SPAG16: variants seen among roughly 807,000 people sequenced by gnomAD.
SPAG16 encodes sperm associated antigen 16.
A neutral mutation model predicts 80.4 loss-of-function variants in SPAG16; 86 were observed. The ratio of observed to expected loss-of-function variants is 1.07; its 90% confidence interval spans 0.90 to 1.28. The LOEUF (loss-of-function observed/expected upper bound fraction) is 1.28, where lower values mean the gene tolerates loss of function less well. Among genes scored for constraint, SPAG16 ranks in the 50% most tolerant of loss-of-function variants. The pLI is 0.00. For synonymous variants in SPAG16, 294 were observed against 265.9 expected, an observed-to-expected ratio of 1.11 and a Z score of -1.03; for missense variants, 870 against 765.3, an observed-to-expected ratio of 1.14 and a Z score of -1.61.
intron 10 of SPAG16, among the ~76,000 whole-genome samples, chr2:213,543,201 T>C (rs2076511047): frequency 6.6e-6 from 1 of 152,036 alleles, no homozygotes; most frequent in South Asian, 2.1e-4. Context: ...AAAGAGCCCC[T>C]AAGAAATTGG....
intron 7 of SPAG16, among the ~76,000 whole-genome samples, chr2:213,352,171 T>A (rs867081228): frequency 4.6e-5 from 7 of 151,766 alleles, no homozygotes; most frequent in South Asian, 2.1e-4. Context: ...TTTTTTTTTT[T>A]AATATATTTT....
chr2:214,009,582 T>G (rs1342268374), intron 12 of SPAG16, among the ~76,000 whole-genome samples: 1 of 152,166 alleles, frequency 6.6e-6, no homozygotes, highest in Non-Finnish European at 1.5e-5. Flanking sequence ...TAAAGCAGAT[T>G]GCCATAGATG....
chr2:213,776,585 A>C lies in SPAG16; in HGVS notation c.1071-85900A>C, dbSNP rs77444272. ...GTAAAAGGCCAGAACAACAACAAAA[A>C]ATTCTGAATATCAATTTGTAAAAGT... On this transcript the variant is annotated intron_variant, in intron 10 of 15. Transcript: ENST00000331683. Among the ~76,000 whole-genome samples the C allele has an allele frequency of 0.011, 1,723 of 152,308 alleles. 83 individuals carry two copies. The East Asian group carries it at 0.15, about 13-fold the overall frequency.
chr2:213,951,675 T>C (rs2079788320), intron 12 of SPAG16, among the ~76,000 whole-genome samples: 1 of 152,068 alleles, frequency 6.6e-6, no homozygotes, highest in Non-Finnish European at 1.5e-5. Context: ...AGAGTATAAA[T>C]TAAAGTTGGA....
intron 11 of SPAG16, among the ~76,000 whole-genome samples, chr2:213,865,651 C>A (rs1203932002): frequency 6.8e-6 from 1 of 147,494 alleles, no homozygotes; most frequent in African/African-American, 2.5e-5. Flanking sequence ...TGTTATATAC[C>A]TATGAAAACT....
intron 11 of SPAG16, among the ~76,000 whole-genome samples, chr2:213,865,285 C>A (rs960360553): frequency 6.6e-6 from 1 of 151,578 alleles, no homozygotes; most frequent in Non-Finnish European, 1.5e-5. Flanking sequence ...AATTTATGAC[C>A]AAGATTCAAT....
chr2:213,712,867 G>A (rs949171987), intron 10 of SPAG16, among the ~76,000 whole-genome samples: 8 of 152,104 alleles, frequency 5.3e-5, no homozygotes, highest in Non-Finnish European at 5.9e-5. Flanking sequence ...GTGGCAGGGC[G>A]AGGAGATACT....
chr2:214,195,310 T>TAGATAGATAGATAGATAGAC (rs1553522822), intron 15 of SPAG16, among the ~76,000 whole-genome samples: 1 of 151,240 alleles, frequency 6.6e-6, no homozygotes, highest in Non-Finnish European at 1.5e-5. Flanking sequence ...AGATGATAGA[T>TAGATAGATAGATAGATAGAC]AGATAGATAG....
At chr2:214,168,754 AAT>A (rs972696499) in intron 15 of SPAG16, among the ~76,000 whole-genome samples, 1 of 152,234 alleles carries the variant, frequency 6.6e-6, no homozygotes, top group African/African-American at 2.4e-5. Context: ...GAGTGGAATG[AAT>A]AAGGAAATTA....
chr2:213,602,335 A>G (rs979634690), intron 10 of SPAG16, among the ~76,000 whole-genome samples: 6 of 151,746 alleles, frequency 4.0e-5, no homozygotes, highest in African/African-American at 9.7e-5. Flanking sequence ...AACTAGTATA[A>G]TAAACTCATT....
intron 3 of SPAG16, among the ~76,000 whole-genome samples, chr2:213,306,225 TA>T (rs1234745813): frequency 6.6e-6 from 1 of 151,212 alleles, no homozygotes; most frequent in Middle Eastern, 3.4e-3. Context: ...GAGTCTACTT[TA>T]AAAAAATTTT....
intron 15 of SPAG16, among the ~76,000 whole-genome samples, chr2:214,210,784 C>T (rs1308724314): frequency 4.6e-5 from 7 of 151,730 alleles, no homozygotes; most frequent in Non-Finnish European, 8.8e-5. Context: ...ATGAGGTAAC[C>T]AAAAGCTCCA....
At chr2:213,566,016 A>G (rs1178883382) in intron 10 of SPAG16, among the ~76,000 whole-genome samples, 2 of 152,224 alleles carry the variant, frequency 1.3e-5, no homozygotes, top group African/African-American at 4.8e-5. Context: ...GAGAATGGGA[A>G]TAGCTTTTAA....
At chr2:213,687,699 T>C (rs2064751261) in intron 10 of SPAG16, among the ~76,000 whole-genome samples, 1 of 152,192 alleles carries the variant, frequency 6.6e-6, no homozygotes, top group Non-Finnish European at 1.5e-5. Context: ...TCACTGATTC[T>C]GAGCAATTTG....
intron 11 of SPAG16, among the ~76,000 whole-genome samples, chr2:213,892,785 A>T (rs2076835276): frequency 6.6e-6 from 1 of 152,140 alleles, no homozygotes; most frequent in Non-Finnish European, 1.5e-5. Context: ...AGACCAAAAA[A>T]GATCACCTAA....
At chr2:213,859,724 T>A (rs2075339125) in intron 10 of SPAG16, among the ~76,000 whole-genome samples, 1 of 152,114 alleles carries the variant, frequency 6.6e-6, no homozygotes, top group African/African-American at 2.4e-5. Context: ...CTTGGGCAAT[T>A]TATGTGGTAT....
At chr2:213,566,635 C>G (rs766639295) in intron 10 of SPAG16, among the ~76,000 whole-genome samples, 7 of 152,058 alleles carry the variant, frequency 4.6e-5, no homozygotes, top group Non-Finnish European at 1.0e-4. Flanking sequence ...TCTGGTATAC[C>G]CTATGTTGAC....
rs144666590 is a variant in SPAG16 at position 213,363,105 on chromosome 2, G to A, written c.763-971G>A. On this transcript the variant is annotated intron_variant, in intron 7 of 15. Transcript: ENST00000331683. ...AAAAATTAATAAAACTAAAAATATGGCCTGTAGTTCATAATAATATATCAA... is the reference window on the plus strand; with the variant it reads ...AAAAATTAATAAAACTAAAAATATGACCTGTAGTTCATAATAATATATCAA... Among the ~76,000 whole-genome samples the A allele has an allele frequency of 1.8e-3, 268 of 152,152 alleles. 1 individual carries two copies. In the East Asian group the frequency reaches 0.024, roughly 14 times the overall value.
chr2:213,501,070 A>C (rs1277024321), intron 10 of SPAG16, among the ~76,000 whole-genome samples: 2 of 152,228 alleles, frequency 1.3e-5, no homozygotes, highest in Non-Finnish European at 2.9e-5. Flanking sequence ...AACCCTGGTT[A>C]GCTTCCAAGT....
Sources: allele counts gnomAD v4.1 joint callset (sites outside exome capture counted in the v4.1 genomes callset), GRCh38; gene constraint gnomAD v4.1.1; transcripts MANE v1.5; gene names NCBI Gene and HGNC (gene_info 2026-07-23, HGNC 2026-07-21).